Variants in GHRH observed in about 807,000 individuals in gnomAD.
GHRH encodes growth hormone releasing hormone.
A neutral mutation model predicts 15.6 loss-of-function variants in GHRH; 7 were observed. The observed-to-expected ratio is 0.45, with a 90% CI of 0.26 to 0.84. The LOEUF (loss-of-function observed/expected upper bound fraction) is 0.84, where lower values mean the gene tolerates loss of function less well. Ranked by LOEUF, GHRH falls within the 40% of genes least tolerant of loss-of-function variation. The pLI is 0.18. For missense variants in GHRH, 117 were observed against 138.0 expected (o/e 0.85, Z 0.76); for synonymous variants, 54 against 50.4 (o/e 1.07, Z -0.30).
intron 4 of GHRH, among the ~76,000 whole-genome samples, chr20:37,253,042 A>G (rs1189578915): frequency 6.6e-6 from 1 of 152,176 alleles, no homozygotes; most frequent in East Asian, 1.9e-4. Context: ...CAACAACAAC[A>G]ACAAATCAGG....
chr20:37,258,220 T>C lies in GHRH; in HGVS notation c.-19-1312A>G, dbSNP rs1474695857. 6.6e-6 allele frequency among the ~76,000 whole-genome samples: 1 copy of C among 152,204 alleles called. No homozygotes were observed. Among genetic ancestry groups the C allele is most frequent in the African/African-American group, 2.4e-5 (1 of 41,458 alleles). ...CTCGGGGGACTTGGCCACCTAGGAA[T>C]TGGGTCCTCCCATCTCCCATGGGTT... On this transcript the variant is annotated intron_variant, in intron 1 of 4. Transcript: ENST00000373614. This position sits in a 1 kb window ranked among gnomAD's most constrained non-coding sequence, Gnocchi z 4.1.
intron 4 of GHRH, among the ~76,000 whole-genome samples, chr20:37,252,279 C>T (rs1040331752): frequency 6.6e-5 from 10 of 152,158 alleles, no homozygotes; most frequent in Non-Finnish European, 1.3e-4. Context: ...GACTGGTTGT[C>T]GCCTCTCCTG....
Position 37,254,434 on chromosome 20 carries a change from C to G in GHRH, c.189-105G>C, listed in dbSNP as rs6104288. 1,132 of 1,165,906 alleles carry G rather than the reference C, an allele frequency of 9.7e-4. 9 individuals carry two copies. The African/African-American group carries it at 0.015, about 16-fold the overall frequency. The allele number at this position is 1,165,906 out of a possible 1,614,324, so 72.2% of individuals were successfully genotyped here. ...AATATCTGGTGTGGACTCTTCTACC[C>G]AACTGAATTAGATTCAGCCACACTT... is the stretch of plus-strand genomic sequence containing the variant. On this transcript the variant is annotated intron_variant, in intron 3 of 4. Coordinates refer to ENST00000373614, the MANE Select transcript of GHRH (RefSeq NM_021081.6).
chr20:37,255,873 TA>T (rs2068652921), intron 3 of GHRH, among the ~76,000 whole-genome samples: 1 of 151,440 alleles, frequency 6.6e-6, no homozygotes, highest in Non-Finnish European at 1.5e-5. Flanking sequence ...CTACAAAAAA[TA>T]AAATAGTCAG....
chr20:37,257,513 C>CAA (rs35910164), intron 1 of GHRH, among the ~76,000 whole-genome samples: 13 of 103,658 alleles, frequency 1.3e-4, no homozygotes, highest in Non-Finnish European at 1.6e-4. Flanking sequence ...GACCCTGTCT[C>CAA]AAAAAAAAAA....
intron 4 of GHRH, 129 bp from the exon 5 acceptor site, chr20:37,251,360 G>T: frequency 1.5e-6 from 1 of 673,852 alleles, no homozygotes; most frequent in African/African-American, 1.8e-5. Flanking sequence ...AAGAGGCAGT[G>T]TGGGGTGGAG....
chr20:37,261,736 C>T lies in GHRH; in HGVS notation c.-20+7G>A, dbSNP rs2068688787. The T allele has an allele frequency of 6.6e-6, 1 of 152,274 alleles. No individual in the cohort carries two copies. Among genetic ancestry groups the T allele is most frequent in the Non-Finnish European group, 1.5e-5 (1 of 68,072 alleles). 9.4% of individuals were successfully genotyped at this position (152,274 alleles called of 1,614,324 possible). A position where few individuals can be genotyped will look rare whatever the true frequency, so the allele number is the denominator to read the frequency against. On this transcript the variant is annotated splice_region_variant and intron_variant, in intron 1 of 4. Transcript: ENST00000373614. The stretch of plus-strand genomic sequence containing the variant: ...CAGCCTAGCCCCCCCAGGGCCACCC[C>T]TCTCACCTGATGCGGCAGATATCCC...
At chr20:37,261,301 T>C (rs1309907667) in intron 1 of GHRH, among the ~76,000 whole-genome samples, 1 of 151,994 alleles carries the variant, frequency 6.6e-6, no homozygotes, top group Non-Finnish European at 1.5e-5. Flanking sequence ...GAAAGCAAAA[T>C]GTTATCAATT....
intron 3 of GHRH, among the ~76,000 whole-genome samples, chr20:37,255,660 C>CAAAAAAA (rs61126074): frequency 6.8e-5 from 1 of 14,720 alleles, no homozygotes; most frequent in African/African-American, 2.5e-4. Context: ...GACTCCATCT[C>CAAAAAAA]AAAAAAAAAA....
At chr20:37,257,865 G>C (rs1373517346) in intron 1 of GHRH, among the ~76,000 whole-genome samples, 2 of 152,338 alleles carry the variant, frequency 1.3e-5, no homozygotes, top group East Asian at 1.9e-4. Context: ...AACCTTTGCT[G>C]TGTCTACCTA....
chr20:37,256,551 A>T, intron 2 of GHRH, 53 bp from the exon 3 acceptor site: 2 of 1,162,436 alleles, frequency 1.7e-6, no homozygotes, highest in Non-Finnish European at 2.6e-6. Context: ...AGGCGAGAGG[A>T]CAGTCGTGGC....
chr20:37,255,743 C>A (rs2068652269), intron 3 of GHRH, among the ~76,000 whole-genome samples: 1 of 140,480 alleles, frequency 7.1e-6, no homozygotes, highest in Non-Finnish European at 1.5e-5. Context: ...AAAGAAGAAA[C>A]TAAAAGCTGG....
At position 37,258,738 on chromosome 20, in the gene GHRH, GTTCT is replaced by G. The variant is rs1287446380; in HGVS notation, c.-19-1834_-19-1831del. Among the ~76,000 whole-genome samples, 1 of 152,080 alleles carries G rather than the reference GTTCT, an allele frequency of 6.6e-6. No individual in the cohort carries two copies. Among genetic ancestry groups the G allele is most frequent in the African/African-American group, 2.4e-5 (1 of 41,408 alleles). ...AGGCCCGGGAGCTTATTTCCAGATG[GTTCT>G]TTATTTATTTATTTTGAGAGCGGGT... On this transcript the variant is annotated intron_variant, in intron 1 of 4. Transcript: ENST00000373614. The surrounding 1 kb of genome is among the most constrained non-coding windows in gnomAD (Gnocchi z 4.1).
In GHRH at chr20:37,258,066, T is replaced by C. The variant is rs554309617; in HGVS notation, c.-19-1158A>G. 1.1e-3 allele frequency among the ~76,000 whole-genome samples: 160 copies of C among 152,286 alleles called. No homozygotes were observed. The highest frequency in any genetic ancestry group is 1.0e-3 in the Non-Finnish European group (69 of 68,016). On this transcript the variant is annotated intron_variant, in intron 1 of 4. Transcript: ENST00000373614. This position sits in a 1 kb window ranked among gnomAD's most constrained non-coding sequence, Gnocchi z 4.1. ...TCATAGGTCCTGTAACTACCCTTAA[T>C]TGGGGCCTGCGGACAGCATGCTCTG... is the stretch of plus-strand genomic sequence containing the variant.
intron 3 of GHRH, among the ~76,000 whole-genome samples, chr20:37,255,442 C>T (rs1311198189): frequency 5.9e-5 from 9 of 151,802 alleles, no homozygotes; most frequent in African/African-American, 1.7e-4. Context: ...GGGCAGATCA[C>T]GAGGTCAGGA....
Position 37,258,076 on chromosome 20 carries a change from C to A in GHRH, c.-19-1168G>T, listed in dbSNP as rs889221587. Among the ~76,000 whole-genome samples the A allele has an allele frequency of 6.6e-6, 1 of 152,192 alleles. No individual in the cohort carries two copies. Among genetic ancestry groups the A allele is most frequent in the Non-Finnish European group, 1.5e-5 (1 of 68,048 alleles). On this transcript the variant is annotated intron_variant, in intron 1 of 4. Coordinates refer to ENST00000373614, the MANE Select transcript of GHRH (RefSeq NM_021081.6). The surrounding 1 kb of genome is among the most constrained non-coding windows in gnomAD (Gnocchi z 4.1). ...TGTAACTACCCTTAATTGGGGCCTG[C>A]GGACAGCATGCTCTGCAATTAGGGG...
Position 37,256,922 on chromosome 20 carries a change from G to A in GHRH, c.-19-14C>T. 1.3e-6 allele frequency: 2 copies of A among 1,499,594 alleles called. No homozygotes were observed. The highest frequency in any genetic ancestry group is 1.8e-6 in the Non-Finnish European group (2 of 1,086,624). The allele number at this position is 1,499,594 out of a possible 1,614,324, so 92.9% of individuals were successfully genotyped here. ...CCGGGGTGGCACCTGCAGAGTGACA[G>A]GAGGGGAAGGTCAGGTACAGCCACA... On this transcript the variant is annotated splice_polypyrimidine_tract_variant and intron_variant, in intron 1 of 4. Transcript: ENST00000373614.
chr20:37,255,352 G>A lies in GHRH; in HGVS notation c.189-1023C>T, dbSNP rs114967064. Among the ~76,000 whole-genome samples, 754 of 152,140 alleles carry A rather than the reference G, an allele frequency of 5.0e-3. 8 individuals are homozygous for A. Among genetic ancestry groups the A allele is most frequent in the African/African-American group, 0.017 (710 of 41,484 alleles). ...GGCTCCAAACTCTGCCACTCTTTGT[G>A]TGTCCTTTAAAAGCTATTAACCCTG... On this transcript the variant is annotated intron_variant, in intron 3 of 4. Coordinates refer to ENST00000373614, the MANE Select transcript of GHRH (RefSeq NM_021081.6).
intron 1 of GHRH, among the ~76,000 whole-genome samples, chr20:37,260,509 C>T (rs1188893192): frequency 2.6e-5 from 4 of 152,044 alleles, no homozygotes; most frequent in African/African-American, 7.3e-5. Context: ...TGCTTGAGCC[C>T]GGGAGGTTAA....
Sources: allele counts gnomAD v4.1 joint callset (sites outside exome capture counted in the v4.1 genomes callset), GRCh38; gene constraint gnomAD v4.1.1; non-coding constraint Gnocchi (gnomAD v3.1); transcripts MANE v1.5; gene names NCBI Gene and HGNC (gene_info 2026-07-23, HGNC 2026-07-21).